Variants in SNX29 observed in about 807,000 individuals in gnomAD.
SNX29 encodes the protein sorting nexin 29.
Under a neutral mutation model 102.1 loss-of-function variants are expected in SNX29, and 78 were observed. That is an observed-to-expected ratio of 0.76 (90% confidence interval 0.64 to 0.92). The LOEUF (loss-of-function observed/expected upper bound fraction) is 0.92, where lower values mean the gene tolerates loss of function less well. SNX29 is among the 40% of genes least tolerant of loss of function. The pLI is 0.00. For missense variants in SNX29, 1,280 were observed against 1,061.7 expected, an observed-to-expected ratio of 1.21 and a Z score of -2.86; for synonymous variants, 580 against 414.5, an observed-to-expected ratio of 1.40 and a Z score of -4.85.
chr16:12,558,738 A>G (rs188919985), intron 20 of SNX29, among the ~76,000 whole-genome samples: 22 of 152,326 alleles, frequency 1.4e-4, no homozygotes, highest in African/African-American at 4.3e-4. Flanking sequence ...CCTCACCACT[A>G]GGCTGTCCCA....
At chr16:12,028,661 G>T (rs909475935) in intron 4 of SNX29, among the ~76,000 whole-genome samples, 31 of 151,900 alleles carry the variant, frequency 2.0e-4, no homozygotes, top group Non-Finnish European at 2.1e-4. Flanking sequence ...ACTGTGCCTG[G>T]CTCCAACAGT....
intron 13 of SNX29, among the ~76,000 whole-genome samples, chr16:12,179,838 T>C (rs1302873893): frequency 6.6e-6 from 1 of 150,642 alleles, no homozygotes; most frequent in African/African-American, 2.4e-5. Context: ...CTTAAATATG[T>C]TACTACATTT....
intron 11 of SNX29, among the ~76,000 whole-genome samples, chr16:12,085,473 C>G (rs536548561): frequency 6.6e-6 from 1 of 152,252 alleles, no homozygotes; most frequent in Non-Finnish European, 1.5e-5. Context: ...ATTAAAGGCA[C>G]GCGCCACCAC....
At chr16:12,327,528 A>G (rs2081156220) in intron 15 of SNX29, among the ~76,000 whole-genome samples, 1 of 152,068 alleles carries the variant, frequency 6.6e-6, no homozygotes, top group Non-Finnish European at 1.5e-5. Flanking sequence ...TCCTTCTAAG[A>G]AGAGGAGATT....
At chr16:12,472,544 C>G (rs111562136) in intron 18 of SNX29, among the ~76,000 whole-genome samples, 1 of 115,624 alleles carries the variant, frequency 8.6e-6, no homozygotes, top group Non-Finnish European at 1.8e-5. Context: ...AAAAAAAAAA[C>G]AAAAAAAAAA....
Position 12,052,145 on chromosome 16 carries a change from T to C in SNX29, c.1047T>C (p.Asp349=), listed in dbSNP as rs376884349. 6.2e-7 allele frequency: 1 copy of C among 1,613,860 alleles called. No homozygotes were observed. Among genetic ancestry groups the C allele is most frequent in the East Asian group, 2.2e-5 (1 of 44,878 alleles). Residue 349 remains aspartate, a synonymous_variant, in exon 8 of 21, where the codon GAT becomes GAC. Transcript: ENST00000566228. ...KLDVKSIDDE[D]VDENEDDVYG... is the part of the protein sequence containing the mutation. ...ATGTGAAAAGCATCGATGATGAAGA[T>C]GTGGATGAAAACGAAGATGACGTGT...
intron 10 of SNX29, among the ~76,000 whole-genome samples, chr16:12,074,701 A>G (rs2051465644): frequency 6.6e-6 from 1 of 152,050 alleles, no homozygotes; most frequent in Non-Finnish European, 1.5e-5. Flanking sequence ...CCTGAATCTG[A>G]ATGTTGGCCT....
chr16:12,112,094 T>A (rs1343439936), intron 11 of SNX29, among the ~76,000 whole-genome samples: 2 of 152,190 alleles, frequency 1.3e-5, no homozygotes, highest in Non-Finnish European at 2.9e-5. Context: ...ACTGCTGAAC[T>A]CTGGGAGCTC....
chr16:12,194,027 A>G (rs981937971), intron 13 of SNX29, among the ~76,000 whole-genome samples: 8 of 152,202 alleles, frequency 5.3e-5, no homozygotes, highest in African/African-American at 1.9e-4. Context: ...TCTATAAGAA[A>G]TCCTGCTGGG....
intron 20 of SNX29, among the ~76,000 whole-genome samples, chr16:12,562,502 G>A (rs528004134): frequency 2.6e-5 from 4 of 152,316 alleles, no homozygotes; most frequent in African/African-American, 7.2e-5. Flanking sequence ...AGCATCGTGA[G>A]CAGCCCAAGT....
intron 8 of SNX29, among the ~76,000 whole-genome samples, chr16:12,054,567 A>G (rs1177068731): frequency 2.0e-5 from 3 of 152,210 alleles, no homozygotes; most frequent in South Asian, 2.1e-4. Context: ...CAGCTGGAAC[A>G]TGGCTTTTCG....
intron 20 of SNX29, among the ~76,000 whole-genome samples, chr16:12,562,674 T>G (rs898910779): frequency 3.9e-5 from 6 of 152,312 alleles, no homozygotes; most frequent in Middle Eastern, 3.4e-3. Context: ...AGTCTAGATT[T>G]ACAGGCACTG....
At chr16:12,036,254 T>C (rs1382501714) in intron 4 of SNX29, among the ~76,000 whole-genome samples, 2 of 151,748 alleles carry the variant, frequency 1.3e-5, no homozygotes, top group African/African-American at 2.4e-5. Flanking sequence ...GTAGTTGGGT[T>C]TTCTGTTTCC....
intron 13 of SNX29, among the ~76,000 whole-genome samples, chr16:12,156,336 G>A (rs895306983): frequency 6.6e-6 from 1 of 152,280 alleles, no homozygotes; most frequent in East Asian, 1.9e-4. Context: ...ACCACACCCG[G>A]TGAATTTTTG....
chr16:12,527,226 C>T (rs1286708773), intron 20 of SNX29: 4 of 533,734 alleles, frequency 7.5e-6, no homozygotes, highest in Non-Finnish European at 1.5e-5. Context: ...AATGATGGAT[C>T]AGCCACAGCC....
chr16:12,568,202 C>T (rs1039045031), intron 20 of SNX29, among the ~76,000 whole-genome samples: 13 of 151,454 alleles, frequency 8.6e-5, no homozygotes, highest in African/African-American at 1.9e-4. Flanking sequence ...GAAAGCTGTG[C>T]CTAGAACATT....
intron 14 of SNX29, among the ~76,000 whole-genome samples, chr16:12,203,782 A>T (rs1796462294): frequency 6.6e-6 from 1 of 152,194 alleles, no homozygotes; most frequent in South Asian, 2.1e-4. Flanking sequence ...TGCTCTGTGT[A>T]CTGAAGAAGA....
At chr16:12,291,079 G>T (rs962609644) in intron 15 of SNX29, among the ~76,000 whole-genome samples, 3 of 152,140 alleles carry the variant, frequency 2.0e-5, no homozygotes, top group African/African-American at 7.2e-5. Flanking sequence ...CTTTAGCTGT[G>T]GCAAATGCTT....
intron 18 of SNX29, among the ~76,000 whole-genome samples, chr16:12,408,725 C>T (rs1409394165): frequency 1.3e-5 from 2 of 152,208 alleles, no homozygotes; most frequent in African/African-American, 4.8e-5. Flanking sequence ...GAGGCTGAGG[C>T]AGGAGACTCA....
Sources: gnomAD v4.1 joint callset for allele counts (sites outside exome capture counted in the v4.1 genomes callset) on GRCh38, gnomAD v4.1.1 for gene constraint, MANE v1.5 for transcripts, NCBI Gene and HGNC (gene_info 2026-07-23, HGNC 2026-07-21) for gene names.